Variants in ELP4 observed in about 807,000 individuals in gnomAD.
The protein encoded by ELP4 is elongator acetyltransferase complex subunit 4.
ELP4 carries 51 observed loss-of-function variants against 48.9 expected under a neutral mutation model. That is an observed-to-expected ratio of 1.04 (90% CI 0.83 to 1.32). The LOEUF (loss-of-function observed/expected upper bound fraction) is 1.32. Ranked by LOEUF, ELP4 falls within the 40% of genes most tolerant of loss-of-function variation. The pLI is 0.00. For synonymous variants in ELP4, 210 were observed against 189.2 expected, an observed-to-expected ratio of 1.11 and a Z score of -0.90; for missense variants, 519 against 514.6, an observed-to-expected ratio of 1.01 and a Z score of -0.08.
chr11:31,744,138 C>G (rs1430123518), intron 9 of ELP4, among the ~76,000 whole-genome samples: 1 of 152,164 alleles, frequency 6.6e-6, no homozygotes, highest in Non-Finnish European at 1.5e-5. Context: ...ACTAGAAAAT[C>G]TGGAAGAAAT....
chr11:31,636,882 A>T (rs1409098434), intron 7 of ELP4, among the ~76,000 whole-genome samples: 2 of 152,030 alleles, frequency 1.3e-5, no homozygotes, highest in Non-Finnish European at 2.9e-5. Context: ...CAAATATATT[A>T]TGAATGTCTT....
intron 4 of ELP4, among the ~76,000 whole-genome samples, chr11:31,598,661 G>T (rs191275199): frequency 3.4e-4 from 52 of 151,530 alleles, no homozygotes; most frequent in Non-Finnish European, 1.3e-4. Flanking sequence ...GCATGCCACA[G>T]CACCCAGCTT....
chr11:31,690,430 A>AAT (rs1333667415), intron 9 of ELP4, among the ~76,000 whole-genome samples: 2 of 152,142 alleles, frequency 1.3e-5, no homozygotes, highest in African/African-American at 4.8e-5. Context: ...CCTAAAAAAA[A>AAT]ATATATATAT....
intron 9 of ELP4, among the ~76,000 whole-genome samples, chr11:31,754,485 T>A (rs774714466): frequency 6.6e-6 from 1 of 152,132 alleles, no homozygotes; most frequent in Non-Finnish European, 1.5e-5. Context: ...GTACAACTAG[T>A]ATTCCTTGCA....
At chr11:31,695,648 C>T (rs1340564842) in intron 9 of ELP4, among the ~76,000 whole-genome samples, 1 of 150,504 alleles carries the variant, frequency 6.6e-6, no homozygotes, top group Non-Finnish European at 1.5e-5. Flanking sequence ...TGTGTCTCTG[C>T]CAGGCTTTGG....
At chr11:31,632,954 G>A (rs1173712563) in intron 7 of ELP4, 2 of 151,768 alleles carry the variant, frequency 1.3e-5, no homozygotes, top group East Asian at 3.9e-4. Context: ...AGTACATATT[G>A]TCTGCCTCAA....
At chr11:31,514,390 TC>T (rs1956068254) in intron 1 of ELP4, among the ~76,000 whole-genome samples, 1 of 152,082 alleles carries the variant, frequency 6.6e-6, no homozygotes, top group Non-Finnish European at 1.5e-5. Context: ...CCTGGGGAGT[TC>T]AAGTCTGCAG....
intron 3 of ELP4, among the ~76,000 whole-genome samples, chr11:31,583,041 C>A (rs983015972): frequency 6.6e-6 from 1 of 152,138 alleles, no homozygotes; most frequent in Non-Finnish European, 1.5e-5. Context: ...TTTGAACTTT[C>A]CATTTCTCTT....
Position 31,539,529 on chromosome 11 carries a change from C to T in ELP4, c.260-133C>T, listed in dbSNP as rs1305204131. On this transcript the variant is annotated intron_variant, in intron 2 of 9. Transcript: ENST00000640961. ...TATCTATCTATGCCTCAGGAATACG[C>T]AGTTTTTGTTCCACCTCATATACTT... 9.2e-6 allele frequency: 7 copies of T among 758,216 alleles called. No homozygotes were observed. In the African/African-American group the frequency reaches 1.1e-4, roughly 12 times the overall value. 47.0% of individuals were successfully genotyped at this position (758,216 alleles called of 1,614,324 possible). A position where few individuals can be genotyped will look rare whatever the true frequency, so the allele number is the denominator to read the frequency against.
intron 9 of ELP4, among the ~76,000 whole-genome samples, chr11:31,696,630 A>G (rs1946413833): frequency 1.3e-5 from 2 of 152,056 alleles, no homozygotes; most frequent in South Asian, 4.1e-4. Context: ...GGTGCTGAGA[A>G]GAATCTGCCC....
intron 5 of ELP4, among the ~76,000 whole-genome samples, chr11:31,626,204 A>C (rs1010257172): frequency 2.6e-5 from 4 of 151,848 alleles, no homozygotes; most frequent in Admixed American, 2.6e-4. Flanking sequence ...GCTTCAAATT[A>C]GATTTCATTC....
intron 1 of ELP4, among the ~76,000 whole-genome samples, chr11:31,516,209 T>A (rs1956108313): frequency 6.6e-6 from 1 of 152,214 alleles, no homozygotes. Context: ...GGAGGTTAGA[T>A]AAGAAACCTA....
rs542436401 is a variant in ELP4, at chr11:31,566,282, C to T, written c.381+26499C>T. Reference sequence around the variant, plus strand: ...CTGGGGCAGGATAATTGCTTGAACCCGGGAGGCAGAGGTTGCAGTGAGCCG... The same window carrying T: ...CTGGGGCAGGATAATTGCTTGAACCTGGGAGGCAGAGGTTGCAGTGAGCCG... On this transcript the variant is annotated intron_variant, in intron 3 of 9. Coordinates refer to ENST00000640961, the MANE Select transcript of ELP4 (RefSeq NM_019040.5). Among the ~76,000 whole-genome samples the T allele has an allele frequency of 7.9e-5, 12 of 151,856 alleles. No homozygotes were observed. The South Asian group carries it at 2.1e-3, about 26-fold the overall frequency.
chr11:31,629,661 C>A (rs1317177132), intron 6 of ELP4, among the ~76,000 whole-genome samples: 3 of 151,902 alleles, frequency 2.0e-5, no homozygotes, highest in African/African-American at 7.2e-5. Flanking sequence ...GATAATGGGA[C>A]AGTGGGTTAA....
chr11:31,578,739 T>C (rs1957332670), intron 3 of ELP4, among the ~76,000 whole-genome samples: 1 of 152,174 alleles, frequency 6.6e-6, no homozygotes, highest in Admixed American at 6.5e-5. Context: ...TAGCCACATG[T>C]AGAAAGCTGA....
chr11:31,621,576 C>T (rs1944622302), intron 5 of ELP4, among the ~76,000 whole-genome samples: 1 of 151,870 alleles, frequency 6.6e-6, no homozygotes, highest in Non-Finnish European at 1.5e-5. Context: ...AGAACTAGAA[C>T]CCAGATCTTA....
intron 9 of ELP4, among the ~76,000 whole-genome samples, chr11:31,707,710 C>G (rs1208152286): frequency 6.6e-6 from 1 of 152,136 alleles, no homozygotes; most frequent in Non-Finnish European, 1.5e-5. Context: ...GTCAGGATCT[C>G]AAAGGATTAA....
chr11:31,633,265 A>G (rs767944929), intron 7 of ELP4: 4 of 152,104 alleles, frequency 2.6e-5, no homozygotes, highest in Non-Finnish European at 4.4e-5. Flanking sequence ...CAGCATATAT[A>G]GCAAATATGA....
At chr11:31,619,940 C>T (rs2134025540) in intron 5 of ELP4, among the ~76,000 whole-genome samples, 1 of 152,106 alleles carries the variant, frequency 6.6e-6, no homozygotes, top group South Asian at 2.1e-4. Flanking sequence ...GTTGTGGGGA[C>T]ATGAGCATTC....
Sources: allele counts gnomAD v4.1 joint callset (sites outside exome capture counted in the v4.1 genomes callset), GRCh38; gene constraint gnomAD v4.1.1; transcripts MANE v1.5; gene names NCBI Gene and HGNC (gene_info 2026-07-23, HGNC 2026-07-21).